Variants in KIAA0825 observed in about 807,000 individuals in gnomAD.
KIAA0825 encodes KIAA0825.
In KIAA0825, 119 loss-of-function variants were observed where a neutral mutation model predicts 147.6. The ratio of observed to expected loss-of-function variants is 0.81; its 90% confidence interval spans 0.69 to 0.94. The LOEUF (loss-of-function observed/expected upper bound fraction) is 0.94. Among genes scored for constraint, KIAA0825 ranks in the 40% least tolerant of loss-of-function variants. The probability of loss-of-function intolerance (pLI) is 0.00; values close to 1 mark genes in which losing one functional copy is unlikely to be tolerated. For missense variants in KIAA0825, 1,381 were observed against 1,472.7 expected (o/e 0.94, Z 1.02); for synonymous variants, 470 against 518.1 (o/e 0.91, Z 1.26).
At chr5:94,571,111 AT>A (rs1373794952) in intron 2 of KIAA0825, among the ~76,000 whole-genome samples, 1 of 152,210 alleles carries the variant, frequency 6.6e-6, no homozygotes, top group Admixed American at 6.5e-5. Context: ...TATTTCAAGT[AT>A]AGTTTTCCCC....
intron 20 of KIAA0825, among the ~76,000 whole-genome samples, chr5:94,240,039 T>C (rs1239794337): frequency 6.6e-6 from 1 of 152,230 alleles, no homozygotes; most frequent in East Asian, 1.9e-4. Context: ...AGCAGAATAT[T>C]AAACTGCCAT....
chr5:94,593,042 T>G (rs1319307698), intron 1 of KIAA0825: 2 of 679,748 alleles, frequency 2.9e-6, no homozygotes, highest in African/African-American at 3.5e-5. Context: ...GTTGAGTATG[T>G]CAGAGACCAT....
In KIAA0825 at chr5:94,370,117, A is replaced by G. The variant is rs181348418; in HGVS notation, c.3710+14251T>C. ...ATGTCCTTTAAAAGGTGAATAGATC[A>G]AAAAACTGTGGTACAACCATACAAT... On this transcript the variant is annotated intron_variant, in intron 20 of 20. Coordinates refer to ENST00000682413, the MANE Select transcript of KIAA0825 (RefSeq NM_001145678.3). Among the ~76,000 whole-genome samples the G allele has an allele frequency of 3.3e-5, 5 of 152,340 alleles. No homozygotes were observed. In the East Asian group the frequency reaches 9.6e-4, roughly 29 times the overall value.
At chr5:94,412,694 C>T (rs745564638) in intron 15 of KIAA0825, among the ~76,000 whole-genome samples, 22 of 151,834 alleles carry the variant, frequency 1.4e-4, no homozygotes, top group Non-Finnish European at 2.9e-5. Context: ...CCACCACGCC[C>T]GGCCAGTAGT....
chr5:94,351,755 G>A (rs1367108920), intron 20 of KIAA0825, among the ~76,000 whole-genome samples: 2 of 152,104 alleles, frequency 1.3e-5, no homozygotes. Flanking sequence ...TAGCCCAATG[G>A]AACAGAATAA....
At chr5:94,532,774 A>G (rs192316797) in intron 3 of KIAA0825, among the ~76,000 whole-genome samples, 1 of 146,926 alleles carries the variant, frequency 6.8e-6, no homozygotes, top group African/African-American at 2.5e-5. Context: ...CCCTCAAGTG[A>G]TCTTCCTGCC....
At chr5:94,231,457 C>A (rs907087691) in intron 20 of KIAA0825, among the ~76,000 whole-genome samples, 1 of 152,078 alleles carries the variant, frequency 6.6e-6, no homozygotes, top group South Asian at 2.1e-4. Flanking sequence ...TTCTTTCAAA[C>A]GTGAATCAAA....
At chr5:94,438,781 A>T (rs1362765659) in intron 14 of KIAA0825, among the ~76,000 whole-genome samples, 1 of 152,196 alleles carries the variant, frequency 6.6e-6, no homozygotes, top group African/African-American at 2.4e-5. Flanking sequence ...AGCTATTTAC[A>T]CAAGGAAAGG....
intron 20 of KIAA0825, among the ~76,000 whole-genome samples, chr5:94,328,500 T>C (rs928884860): frequency 2.6e-5 from 4 of 152,012 alleles, no homozygotes; most frequent in Admixed American, 6.6e-5. Flanking sequence ...TGTCACTGTT[T>C]AAAAGGAGAT....
At chr5:94,321,487 A>T (rs983824646) in intron 20 of KIAA0825, among the ~76,000 whole-genome samples, 2 of 152,010 alleles carry the variant, frequency 1.3e-5, no homozygotes, top group Non-Finnish European at 2.9e-5. Flanking sequence ...AGGCACTGAA[A>T]GGTAGGCTGT....
At chr5:94,381,969 C>A (rs756456926) in intron 20 of KIAA0825, among the ~76,000 whole-genome samples, 10 of 152,110 alleles carry the variant, frequency 6.6e-5, no homozygotes, top group Non-Finnish European at 1.2e-4. Flanking sequence ...TTTTTTCATA[C>A]TTGTATATTT....
chr5:94,608,433 G>A, intron 1 of KIAA0825, among the ~76,000 whole-genome samples: 1 of 9,728 alleles, frequency 1.0e-4, no homozygotes, highest in Non-Finnish European at 2.0e-4. Context: ...GGCTAATTTT[G>A]TGTGTGTATG....
chr5:94,343,285 G>A (rs1452036764), intron 20 of KIAA0825, among the ~76,000 whole-genome samples: 1 of 152,134 alleles, frequency 6.6e-6, no homozygotes, highest in Admixed American at 6.5e-5. Flanking sequence ...TTGGGGTAGG[G>A]AAAGGTTTAT....
In KIAA0825 at chr5:94,396,149, T is replaced by C. The variant is rs897049424; in HGVS notation, c.3248A>G (p.Asn1083Ser). 23 of 1,529,982 alleles carry C rather than the reference T, an allele frequency of 1.5e-5. No homozygotes were observed. The Admixed American group carries it at 4.4e-4, about 29-fold the overall frequency. 94.8% of individuals were successfully genotyped at this position (1,529,982 alleles called of 1,614,324 possible). Residue 1083 changes from asparagine (N) to serine (S), a missense_variant, in exon 17 of 21, where the codon AAC (asparagine) becomes AGC (serine). Transcript: ENST00000682413. ...VIQSIEQQKP[N>S]WIERQLLKAR... ...TTTCAACAATTGACGTTCAATCCAG[T>C]TGGGCTTCTGCTGCTCAATGCTCTG... is the stretch of plus-strand genomic sequence containing the variant.
At chr5:94,475,204 TG>T (rs1297060694) in intron 7 of KIAA0825, among the ~76,000 whole-genome samples, 1 of 152,188 alleles carries the variant, frequency 6.6e-6, no homozygotes, top group African/African-American at 2.4e-5. Flanking sequence ...AGTAATTCCT[TG>T]GGACACATTT....
intron 20 of KIAA0825, among the ~76,000 whole-genome samples, chr5:94,264,451 A>T (rs965280309): frequency 2.0e-5 from 3 of 152,200 alleles, no homozygotes; most frequent in Non-Finnish European, 4.4e-5. Flanking sequence ...ATCGAAGTTA[A>T]CTTTGTCAGA....
At chr5:94,561,009 A>G (rs1777462729) in intron 2 of KIAA0825, among the ~76,000 whole-genome samples, 1 of 152,180 alleles carries the variant, frequency 6.6e-6, no homozygotes, top group Non-Finnish European at 1.5e-5. Context: ...GAGGGCCCCT[A>G]GAGAGCTTCA....
intron 5 of KIAA0825, among the ~76,000 whole-genome samples, chr5:94,512,738 A>G (rs1766678458): frequency 6.6e-6 from 1 of 152,088 alleles, no homozygotes; most frequent in African/African-American, 2.4e-5. Flanking sequence ...TCTACTAAAA[A>G]TACAAAATAA....
At chr5:94,565,365 C>T (rs1370331881) in intron 2 of KIAA0825, among the ~76,000 whole-genome samples, 6 of 135,614 alleles carry the variant, frequency 4.4e-5, no homozygotes, top group Admixed American at 3.0e-4. Flanking sequence ...TTTTTTGAGA[C>T]AGAATCTCCT....
Sources: gnomAD v4.1 joint callset for allele counts (sites outside exome capture counted in the v4.1 genomes callset) on GRCh38, gnomAD v4.1.1 for gene constraint, MANE v1.5 for transcripts, NCBI Gene and HGNC (gene_info 2026-07-23, HGNC 2026-07-21) for gene names.